The following CTCFL variants were observed in gnomAD, a reference collection of about 807,000 sequenced individuals.
CTCFL encodes transcriptional repressor CTCFL.
A neutral mutation model predicts 67.4 loss-of-function variants in CTCFL; 36 were observed. That is an observed-to-expected ratio of 0.53 (90% CI 0.41 to 0.71). The LOEUF is 0.71. CTCFL is among the 30% of genes least tolerant of loss of function. The pLI is 0.00. For missense variants in CTCFL, 786 were observed against 835.2 expected, an observed-to-expected ratio of 0.94 and a Z score of 0.73; for synonymous variants, 324 against 302.3, an observed-to-expected ratio of 1.07 and a Z score of -0.75.
In CTCFL at chr20:57,521,831, G is replaced by T. The variant is rs144147778; in HGVS notation, c.754+1237C>A. 4.6e-3 allele frequency among the ~76,000 whole-genome samples: 705 copies of T among 152,286 alleles called. 5 individuals carry two copies. Among genetic ancestry groups the T allele is most frequent in the African/African-American group, 0.016 (664 of 41,542 alleles). ...AAGAATCTAGACACGAAAGGCACATGGTATACATATATGATTCAACTTCTG... is the reference window on the plus strand; with the variant it reads ...AAGAATCTAGACACGAAAGGCACATTGTATACATATATGATTCAACTTCTG... On this transcript the variant is annotated intron_variant, in intron 3 of 10. Transcript: ENST00000243914.
chr20:57,520,830 G>A (rs1478372848), intron 3 of CTCFL, among the ~76,000 whole-genome samples: 1 of 152,270 alleles, frequency 6.6e-6, no homozygotes, highest in Non-Finnish European at 1.5e-5. Context: ...ACCTGTGAAT[G>A]TGATCTTATG....
chr20:57,507,926 C>A, intron 9 of CTCFL: 2 of 672,476 alleles, frequency 3.0e-6, no homozygotes, highest in Non-Finnish European at 5.4e-6. Flanking sequence ...ACCAACAGCA[C>A]TATTCTTTTT....
At position 57,504,198 on chromosome 20, in the gene CTCFL, G is replaced by C. The variant is rs145244136; in HGVS notation, c.1675-597C>G. Among the ~76,000 whole-genome samples, 564 of 151,376 alleles carry C rather than the reference G, an allele frequency of 3.7e-3. 4 individuals carry two copies. Among genetic ancestry groups the C allele is most frequent in the Non-Finnish European group, 5.9e-3 (398 of 67,750 alleles). Reference sequence around the variant, plus strand: ...TCACCGTGTTAGCCAGGATGGTCTCGATCTCCTGATATTGTGATCTGCCCA... The same window carrying C: ...TCACCGTGTTAGCCAGGATGGTCTCCATCTCCTGATATTGTGATCTGCCCA... On this transcript the variant is annotated intron_variant, in intron 9 of 10. Transcript: ENST00000243914.
At chr20:57,509,328 A>G (rs1192045860) in intron 8 of CTCFL, among the ~76,000 whole-genome samples, 1 of 148,516 alleles carries the variant, frequency 6.7e-6, no homozygotes, top group African/African-American at 2.5e-5. Flanking sequence ...CTCTGTCACA[A>G]TCATAGCTCA....
intron 2 of CTCFL, 108 bp downstream of exon 2, chr20:57,523,555 C>T (rs1242358661): frequency 6.9e-7 from 1 of 1,441,412 alleles, no homozygotes; most frequent in Admixed American, 2.3e-5. Context: ...TTTGTACTGT[C>T]TTTAATTTGC....
chr20:57,523,132 T>C lies in CTCFL; in HGVS notation c.690A>G (p.Gln230=). 1.2e-6 allele frequency: 2 copies of C among 1,614,040 alleles called. No individual in the cohort carries two copies. The highest frequency in any genetic ancestry group is 1.1e-5 in the South Asian group (1 of 91,082). Residue 230 remains glutamine (Q), a synonymous_variant, in exon 3 of 11, where the codon CAA becomes CAG. Coordinates refer to ENST00000243914, the MANE Select transcript of CTCFL (RefSeq NM_001386993.1). ...CAGCATCTGCTTGACCAGCTGTAGG[T>C]TGATCCTCTTGTTCTTCCACATTTG... is the stretch of plus-strand genomic sequence containing the variant. The part of the protein sequence containing the change: ...SNSNVEEQED[Q]PTAGQADAEK...
chr20:57,504,285 T>A (rs940862930), intron 9 of CTCFL, among the ~76,000 whole-genome samples: 1 of 124,482 alleles, frequency 8.0e-6, no homozygotes, highest in African/African-American at 3.4e-5. Flanking sequence ...CCCCGTCTCC[T>A]TTTTTTTTTT....
In CTCFL at chr20:57,498,346, G is replaced by C. The variant is rs1398884057; in HGVS notation, c.*204C>G. 6 of 1,320,352 alleles carry C rather than the reference G, an allele frequency of 4.5e-6. No homozygotes were observed. Among genetic ancestry groups the C allele is most frequent in the Non-Finnish European group, 5.8e-6 (6 of 1,031,436 alleles). 81.8% of individuals were successfully genotyped at this position (1,320,352 alleles called of 1,614,324 possible). A position where few individuals can be genotyped will look rare whatever the true frequency, so the allele number is the denominator to read the frequency against. On this transcript the variant is annotated 3_prime_UTR_variant, in exon 11 of 11. Transcript: ENST00000243914. ...CAATTCTAGACACTACCTCAAACTT[G>C]TGTCATCCATTGTCATGAACTTAAT...
intron 7 of CTCFL, chr20:57,513,793 G>A: frequency 2.4e-6 from 3 of 1,269,112 alleles, no homozygotes; most frequent in Non-Finnish European, 3.1e-6. Context: ...TTTTTGTTCT[G>A]CTAACATATT....
At chr20:57,514,769 C>T in intron 6 of CTCFL, 28 bp from the exon 7 acceptor site, 1 of 1,607,718 alleles carries the variant, frequency 6.2e-7, no homozygotes, top group Non-Finnish European at 8.5e-7. Flanking sequence ...AAGTGATTCC[C>T]CCTCCAGGCC....
At chr20:57,512,481 C>A in intron 8 of CTCFL, 111 bp downstream of exon 8, 2 of 1,069,326 alleles carry the variant, frequency 1.9e-6, no homozygotes. Flanking sequence ...GAATAGGCTA[C>A]TCTATTAAAA....
chr20:57,523,639 G>T (rs919623288), intron 2 of CTCFL, 24 bp downstream of exon 2: 4 of 1,593,088 alleles, frequency 2.5e-6, no homozygotes, highest in East Asian at 4.5e-5. Context: ...CATGTAAGGG[G>T]TTGTTTATTA....
At chr20:57,504,078 G>A (rs532188545) in intron 9 of CTCFL, among the ~76,000 whole-genome samples, 168 of 152,068 alleles carry the variant, frequency 1.1e-3, no homozygotes, top group Non-Finnish European at 1.6e-3. Flanking sequence ...CTGGGTTCAC[G>A]TCATTCTCCT....
Position 57,512,487 on chromosome 20 carries a change from T to G in CTCFL, c.1491+105A>C, listed in dbSNP as rs2068627495. 4 of 1,173,802 alleles carry G rather than the reference T, an allele frequency of 3.4e-6. No individual in the cohort carries two copies. In the Admixed American group the frequency reaches 6.5e-5, roughly 19 times the overall value. 72.7% of individuals were successfully genotyped at this position (1,173,802 alleles called of 1,614,324 possible). On this transcript the variant is annotated intron_variant, in intron 8 of 10. Transcript: ENST00000243914. ...GGTTATTCTGAATAGGCTACTCTAT[T>G]AAAAGCATGACTTTTCTCAGTATCT...
chr20:57,498,405 G>A lies in CTCFL; in HGVS notation c.*145C>T, dbSNP rs1252268559. ...AGAAAATGCTAAAAATTTCTAACTT[G>A]CTTTAGGAATTAGGGGCAGTGAACA... On this transcript the variant is annotated 3_prime_UTR_variant, in exon 11 of 11. Transcript: ENST00000243914. The A allele has an allele frequency of 7.0e-7, 1 of 1,425,320 alleles. No homozygotes were observed. The highest frequency in any genetic ancestry group is 9.2e-7 in the Non-Finnish European group (1 of 1,085,752). The allele number at this position is 1,425,320 out of a possible 1,614,324, so 88.3% of individuals were successfully genotyped here. A position where few individuals can be genotyped will look rare whatever the true frequency, so the allele number is the denominator to read the frequency against.
At chr20:57,522,151 C>A (rs1038112221) in intron 3 of CTCFL, among the ~76,000 whole-genome samples, 1 of 152,118 alleles carries the variant, frequency 6.6e-6, no homozygotes, top group African/African-American at 2.4e-5. Context: ...AAGGCAGAGG[C>A]AAGAAACCTA....
intron 2 of CTCFL, 109 bp from the exon 3 acceptor site, chr20:57,523,387 G>A: frequency 9.2e-7 from 1 of 1,091,336 alleles, no homozygotes; most frequent in African/African-American, 1.6e-5. Context: ...GGAAGATTAT[G>A]CATCACAATG....
rs1239209872 is a variant in CTCFL at position 57,514,622 on chromosome 20, C to T, written c.1300G>A (p.Ala434Thr). 2.5e-6 allele frequency: 4 copies of T among 1,614,080 alleles called. No homozygotes were observed. Among genetic ancestry groups the T allele is most frequent in the African/African-American group, 1.3e-5 (1 of 74,944 alleles). The change falls in exon 7 of 11, where the codon GCC (alanine) becomes ACC (threonine). Residue 434 changes from alanine to threonine, a missense_variant. Coordinates refer to ENST00000243914, the MANE Select transcript of CTCFL (RefSeq NM_001386993.1). ...TCGCTTTTCCGTGCAATGATGGTGG[C>T]ACAATGGGGACACTGGTATTTGGGG... is the stretch of plus-strand genomic sequence containing the variant. Reference protein sequence around the residue: ...NVPKYQCPHCATIIARKSDLR... With the variant: ...NVPKYQCPHCTTIIARKSDLR...
rs574748657 is a variant in CTCFL at position 57,509,156 on chromosome 20, T to C, written c.1492-368A>G. 1.2e-4 allele frequency among the ~76,000 whole-genome samples: 18 copies of C among 152,290 alleles called. No homozygotes were observed. In the East Asian group the frequency reaches 3.1e-3, roughly 26 times the overall value. On this transcript the variant is annotated intron_variant, in intron 8 of 10. Coordinates refer to ENST00000243914, the MANE Select transcript of CTCFL (RefSeq NM_001386993.1). ...ATTACCTGAATTTACAAAGGGCAAA[T>C]AGAACCTGCAAACTTAAAAATCAAA...
Sources: allele counts gnomAD v4.1 joint callset (sites outside exome capture counted in the v4.1 genomes callset), GRCh38; gene constraint gnomAD v4.1.1; transcripts MANE v1.5; gene names NCBI Gene and HGNC (gene_info 2026-07-23, HGNC 2026-07-21).